Variants in CSMD1 observed in about 807,000 individuals in gnomAD.
CSMD1 encodes CUB and sushi domain-containing protein 1.
In CSMD1, 213 loss-of-function variants were observed where a neutral mutation model predicts 417.5. The ratio of observed to expected loss-of-function variants is 0.51; its 90% CI spans 0.46 to 0.57. The LOEUF is 0.57. CSMD1 is among the 20% of genes least tolerant of loss of function. CSMD1 has a pLI of 0.00. For missense variants in CSMD1, 6,923 were observed against 4,529.7 expected (o/e 1.53, Z -15.17); for synonymous variants, 2,862 against 1,736.8 (o/e 1.65, Z -16.11).
At chr8:4,790,349 A>T (rs1797625541) in intron 1 of CSMD1, among the ~76,000 whole-genome samples, 2 of 152,232 alleles carry the variant, frequency 1.3e-5, no homozygotes, top group Admixed American at 1.3e-4. Context: ...ATGGAAAAAC[A>T]TTCCATGCTC....
chr8:3,930,886 C>G (rs1810092165), intron 5 of CSMD1, among the ~76,000 whole-genome samples: 1 of 150,512 alleles, frequency 6.6e-6, no homozygotes, highest in Non-Finnish European at 1.5e-5. Flanking sequence ...AGTTTTAAAA[C>G]CTAACAAATG....
chr8:4,809,130 A>G (rs1798754943), intron 1 of CSMD1, among the ~76,000 whole-genome samples: 1 of 152,234 alleles, frequency 6.6e-6, no homozygotes, highest in Non-Finnish European at 1.5e-5. Flanking sequence ...AAGGAGCCAT[A>G]GCTATTAATT....
chr8:4,171,217 G>A (rs756194684), intron 3 of CSMD1, among the ~76,000 whole-genome samples: 8 of 151,790 alleles, frequency 5.3e-5, no homozygotes, highest in African/African-American at 1.7e-4. Flanking sequence ...AAACCTACCC[G>A]CAAAGGTCCA....
intron 5 of CSMD1, among the ~76,000 whole-genome samples, chr8:3,794,318 C>G (rs1238159509): frequency 6.6e-6 from 1 of 152,094 alleles, no homozygotes; most frequent in Non-Finnish European, 1.5e-5. Context: ...AACTCTGCGC[C>G]TGGTGATTTT....
At chr8:3,850,879 G>T (rs561364045) in intron 5 of CSMD1, among the ~76,000 whole-genome samples, 1 of 152,202 alleles carries the variant, frequency 6.6e-6, no homozygotes, top group African/African-American at 2.4e-5. Context: ...ATTTATTTCA[G>T]CATTATTATC....
chr8:4,815,643 C>A (rs545743946), intron 1 of CSMD1, among the ~76,000 whole-genome samples: 3 of 134,242 alleles, frequency 2.2e-5, no homozygotes, highest in Non-Finnish European at 4.5e-5. Context: ...TTGCAGTGAA[C>A]TGAGGCTGCA....
At position 3,284,396 on chromosome 8, in the gene CSMD1, T is replaced by C. The variant is rs751887445; in HGVS notation, c.3951-50A>G. On this transcript the variant is annotated intron_variant, in intron 25 of 69. Coordinates refer to ENST00000635120, the MANE Select transcript of CSMD1 (RefSeq NM_033225.6). The stretch of plus-strand genomic sequence containing the variant: ...TACTTGCCGTGCATCGAGCATGTCC[T>C]GACCCCATAGCTGTAAAGTAAGCAA... 2.6e-5 allele frequency: 36 copies of C among 1,411,686 alleles called. 1 individual carries two copies. The highest frequency in any genetic ancestry group is 3.5e-5 in the Non-Finnish European group (35 of 1,003,142). 87.4% of individuals were successfully genotyped at this position (1,411,686 alleles called of 1,614,324 possible). A position where few individuals can be genotyped will look rare whatever the true frequency, so the allele number is the denominator to read the frequency against.
At chr8:4,245,631 C>T (rs1802658845) in intron 3 of CSMD1, among the ~76,000 whole-genome samples, 1 of 152,072 alleles carries the variant, frequency 6.6e-6, no homozygotes, top group Admixed American at 6.6e-5. Context: ...ATAATCAAAC[C>T]AAGGAAATCT....
chr8:4,113,924 G>C (rs1801994326), intron 3 of CSMD1, among the ~76,000 whole-genome samples: 1 of 152,148 alleles, frequency 6.6e-6, no homozygotes, highest in Non-Finnish European at 1.5e-5. Flanking sequence ...GCAGAGACTG[G>C]TTCATAAGAT....
intron 4 of CSMD1, among the ~76,000 whole-genome samples, chr8:4,016,429 C>T (rs943155653): frequency 6.6e-6 from 1 of 152,142 alleles, no homozygotes; most frequent in African/African-American, 2.4e-5. Context: ...TGCAGCTGCA[C>T]TGAGCCTGTC....
intron 1 of CSMD1, among the ~76,000 whole-genome samples, chr8:4,810,439 G>T (rs1798830674): frequency 1.3e-5 from 2 of 152,108 alleles, no homozygotes; most frequent in Non-Finnish European, 2.9e-5. Context: ...ACTAAACAAG[G>T]CCTTTTCTTG....
At chr8:3,002,552 G>A (rs1222498286) in intron 52 of CSMD1, among the ~76,000 whole-genome samples, 2 of 152,224 alleles carry the variant, frequency 1.3e-5, no homozygotes, top group African/African-American at 4.8e-5. Context: ...TGGGACCAAA[G>A]GCAATAGTGA....
At chr8:4,337,080 G>T (rs939655455) in intron 3 of CSMD1, among the ~76,000 whole-genome samples, 1 of 152,084 alleles carries the variant, frequency 6.6e-6, no homozygotes, top group African/African-American at 2.4e-5. Context: ...CACTGTCCCA[G>T]AGGGTTGCCA....
rs571704833 is a variant in CSMD1 at position 3,913,053 on chromosome 8, G to T, written c.818+84850C>A. The stretch of plus-strand genomic sequence containing the variant: ...GAGAGAATCGTGACTTTAGCAGCAG[G>T]GCAACATGGCAGCACTAGGAAAGGA... On this transcript the variant is annotated intron_variant, in intron 5 of 69. Coordinates refer to ENST00000635120, the MANE Select transcript of CSMD1 (RefSeq NM_033225.6). Among the ~76,000 whole-genome samples, 3 of 152,228 alleles carry T rather than the reference G, an allele frequency of 2.0e-5. No individual in the cohort carries two copies. The South Asian group carries it at 6.2e-4, about 32-fold the overall frequency.
chr8:3,840,105 T>C (rs1207746889), intron 5 of CSMD1, among the ~76,000 whole-genome samples: 6 of 152,172 alleles, frequency 3.9e-5, no homozygotes, highest in Non-Finnish European at 7.3e-5. Flanking sequence ...ATTTTCTTAA[T>C]TGTTAAAAAG....
intron 3 of CSMD1, among the ~76,000 whole-genome samples, chr8:4,126,389 G>A (rs1438098387): frequency 1.3e-5 from 2 of 152,280 alleles, no homozygotes; most frequent in African/African-American, 4.8e-5. Context: ...ATTCACACCA[G>A]AATGGTGCCA....
chr8:3,678,530 G>C (rs557030488), intron 7 of CSMD1, among the ~76,000 whole-genome samples: 2 of 152,168 alleles, frequency 1.3e-5, no homozygotes, highest in African/African-American at 2.4e-5. Context: ...AGAAATATGG[G>C]ACTATGTGAA....
Position 2,998,167 on chromosome 8 carries a change from G to A in CSMD1, c.8221C>T (p.Pro2741Ser). ...PVCVPITCGH[P>S]GNPAHGFTNG... ...GTGAATCCGTGGGCAGGGTTTCCAG[G>A]GTGACCACATGTGATGGCTGTAGAG... The change falls in exon 54 of 70, where the codon CCT becomes TCT. Residue 2741 changes from proline to serine, a missense_variant. Transcript: ENST00000635120. 1 of 1,613,880 alleles carries A rather than the reference G, an allele frequency of 6.2e-7. No individual in the cohort carries two copies. The highest frequency in any genetic ancestry group is 1.7e-5 in the Admixed American group (1 of 60,016).
Position 3,000,177 on chromosome 8 carries a change from A to G in CSMD1, c.8030-46T>C, listed in dbSNP as rs766584794. 6 of 1,419,612 alleles carry G rather than the reference A, an allele frequency of 4.2e-6. No individual in the cohort carries two copies. The South Asian group carries it at 7.4e-5, about 17-fold the overall frequency. The allele number at this position is 1,419,612 out of a possible 1,614,324, so 87.9% of individuals were successfully genotyped here. A position where few individuals can be genotyped will look rare whatever the true frequency, so the allele number is the denominator to read the frequency against. On this transcript the variant is annotated intron_variant, in intron 52 of 69. Transcript: ENST00000635120. ...TTAAAATTTAGAGTGTCTGTCATTT[A>G]TAAAAGTAGTACATTCACAACTTTT...
Sources: gnomAD v4.1 joint callset for allele counts (sites outside exome capture counted in the v4.1 genomes callset) on GRCh38, gnomAD v4.1.1 for gene constraint, MANE v1.5 for transcripts, NCBI Gene and HGNC (gene_info 2026-07-23, HGNC 2026-07-21) for gene names.